The following TANC1 variants were observed in gnomAD, a reference collection of about 807,000 sequenced individuals.
The protein encoded by TANC1 is protein TANC1.
In TANC1, 77 loss-of-function variants were observed where a neutral mutation model predicts 149.7. The ratio of observed to expected loss-of-function variants is 0.51; its 90% CI spans 0.43 to 0.62. The LOEUF is 0.62. Ranked by LOEUF, TANC1 falls within the 20% of genes least tolerant of loss-of-function variation. The probability of loss-of-function intolerance (pLI) is 0.00; values close to 1 mark genes in which losing one functional copy is unlikely to be tolerated. For synonymous variants in TANC1, 854 were observed against 925.0 expected (o/e 0.92, Z 1.39); for missense variants, 1,985 against 2,321.8 (o/e 0.85, Z 2.98).
At chr2:159,115,171 G>GGTGTGTGTGTGT (rs68140748) in intron 4 of TANC1, among the ~76,000 whole-genome samples, 10 of 149,602 alleles carry the variant, frequency 6.7e-5, no homozygotes, top group Non-Finnish European at 1.5e-4. Flanking sequence ...AGCTGGTAAG[G>GGTGTGTGTGTGT]GTGTGTGTGT....
rs201847551 is a variant in TANC1, at chr2:159,227,952, G to A, written c.4037G>A (p.Arg1346Gln). The A allele has an allele frequency of 5.6e-6, 9 of 1,612,490 alleles. No homozygotes were observed. The highest frequency in any genetic ancestry group is 4.0e-5 in the African/African-American group (3 of 74,918). ...CTCTATCTCAATTTGTCGCGATGCC[G>A]AAGAAAAACAAATGTAAGCTGTGCC... Reference protein sequence around the residue: ...VSLYLNLSRCRRKTNDFGMAE... With the variant: ...VSLYLNLSRCQRKTNDFGMAE... Residue 1346 changes from arginine (R) to glutamine (Q), a missense_variant, in exon 25 of 27, where the codon CGA becomes CAA. Coordinates refer to ENST00000263635, the MANE Select transcript of TANC1 (RefSeq NM_033394.3).
In TANC1 at chr2:159,230,332, G is replaced by A. The variant is rs201489299; in HGVS notation, c.4906G>A (p.Val1636Met). 53 of 1,614,036 alleles carry A rather than the reference G, an allele frequency of 3.3e-5. No individual in the cohort carries two copies. The East Asian group carries it at 6.9e-4, about 21-fold the overall frequency. Reference sequence around the variant, plus strand: ...AGAGAGGCTTCTGTCTCATTCCTCCGTGGCTGTGGACGCAGCCCCTCCAAA... The same window carrying A: ...AGAGAGGCTTCTGTCTCATTCCTCCATGGCTGTGGACGCAGCCCCTCCAAA... ...TTERLLSHSS[V>M]AVDAAPPNQG... The change falls in exon 27 of 27, where the codon GTG becomes ATG. Residue 1636 changes from valine to methionine, a missense_variant. Physicochemically the swap from Val to Met is conservative, Grantham distance 21. Transcript: ENST00000263635. The surrounding 1 kb of genome is among the most constrained non-coding windows in gnomAD (Gnocchi z 4.4).
At chr2:159,045,469 G>A (rs1283602025) in intron 2 of TANC1, among the ~76,000 whole-genome samples, 3 of 151,832 alleles carry the variant, frequency 2.0e-5, no homozygotes, top group Non-Finnish European at 4.4e-5. Context: ...ATGATAAAGA[G>A]TTTAAAGGAT....
At chr2:159,048,315 AG>A (rs534268748) in intron 2 of TANC1, among the ~76,000 whole-genome samples, 3 of 152,182 alleles carry the variant, frequency 2.0e-5, no homozygotes, top group Non-Finnish European at 4.4e-5. Context: ...TCTTACAATT[AG>A]TGGTAAAGAC....
chr2:159,044,484 A>G (rs928249929), intron 2 of TANC1, among the ~76,000 whole-genome samples: 1 of 151,982 alleles, frequency 6.6e-6, no homozygotes, highest in Non-Finnish European at 1.5e-5. Context: ...CCTAATGTAT[A>G]TGATCTATGT....
rs544643540 is a variant in TANC1 at position 159,225,672 on chromosome 2, C to G, written c.3812-16C>G. The G allele has an allele frequency of 3.1e-6, 5 of 1,608,416 alleles. No individual in the cohort carries two copies. Among genetic ancestry groups the G allele is most frequent in the Middle Eastern group, 1.7e-4 (1 of 6,052 alleles). On this transcript the variant is annotated splice_polypyrimidine_tract_variant and intron_variant, in intron 23 of 26. Transcript: ENST00000263635. ...AGGGCCTCTGAAGTGCCTCTGAATG[C>G]GTGTTTGTTTTGCAGGAAATGCTGC...
At chr2:159,127,849 A>G (rs2049629109) in intron 4 of TANC1, among the ~76,000 whole-genome samples, 1 of 152,196 alleles carries the variant, frequency 6.6e-6, no homozygotes, top group African/African-American at 2.4e-5. Flanking sequence ...TTGCACATGT[A>G]TCCTGGAACT....
chr2:159,054,056 A>T (rs2041667811), intron 2 of TANC1, among the ~76,000 whole-genome samples: 1 of 151,996 alleles, frequency 6.6e-6, no homozygotes, highest in Non-Finnish European at 1.5e-5. Context: ...AGCCGTGTGT[A>T]TGTTTGGCCA....
At chr2:159,199,659 T>C (rs926408525) in intron 19 of TANC1, among the ~76,000 whole-genome samples, 2 of 152,268 alleles carry the variant, frequency 1.3e-5, no homozygotes, top group Non-Finnish European at 2.9e-5. Flanking sequence ...TTTCCAGTTT[T>C]CCACTTGACT....
Position 159,092,483 on chromosome 2 carries a change from A to G in TANC1, c.62-5154A>G, listed in dbSNP as rs73969433. On this transcript the variant is annotated intron_variant, in intron 3 of 26. Transcript: ENST00000263635. The stretch of plus-strand genomic sequence containing the variant: ...TTTCACAGCCTGTAATGGTAAAAAC[A>G]TTTTAAAATAAAGAACTGTTATCAA... 7.0e-3 allele frequency among the ~76,000 whole-genome samples: 1,065 copies of G among 152,332 alleles called. 8 individuals carry two copies. The highest frequency in any genetic ancestry group is 0.024 in the African/African-American group (992 of 41,570).
At position 159,101,978 on chromosome 2, in the gene TANC1, G is replaced by A. The variant is rs572906549; in HGVS notation, c.259+4144G>A. 3.3e-5 allele frequency among the ~76,000 whole-genome samples: 5 copies of A among 152,270 alleles called. No homozygotes were observed. In the East Asian group the frequency reaches 9.7e-4, roughly 29 times the overall value. On this transcript the variant is annotated intron_variant, in intron 4 of 26. Transcript: ENST00000263635. ...TCCAGTTCCAGTTCTGTCTCACAGT[G>A]GACATAGCTGATGTAGCAGTTTTGA...
chr2:159,121,530 C>T (rs1217387773), intron 4 of TANC1, among the ~76,000 whole-genome samples: 1 of 152,142 alleles, frequency 6.6e-6, no homozygotes, highest in African/African-American at 2.4e-5. Context: ...GACGGGGTTT[C>T]GCCATGTTGG....
At chr2:159,175,235 C>T (rs774561343) in intron 12 of TANC1, 51 bp downstream of exon 12, 1 of 1,475,972 alleles carries the variant, frequency 6.8e-7, no homozygotes, top group Non-Finnish European at 9.4e-7. Flanking sequence ...GTACAGCAGA[C>T]ACAGGTGGTC....
rs561551910 is a variant in TANC1 at position 159,189,099 on chromosome 2, C to T, written c.2742+2075C>T. 3.3e-5 allele frequency among the ~76,000 whole-genome samples: 5 copies of T among 152,352 alleles called. No individual in the cohort carries two copies. The South Asian group carries it at 6.2e-4, about 19-fold the overall frequency. On this transcript the variant is annotated intron_variant, in intron 16 of 26. Transcript: ENST00000263635. The stretch of plus-strand genomic sequence containing the variant: ...AGTGGAGACACAAAAGAGGCTGTCT[C>T]TCAAGTGATGAGAAACCTTACTGAG...
Position 159,139,350 on chromosome 2 carries a change from A to G in TANC1, c.364+3052A>G, listed in dbSNP as rs568188309. Among the ~76,000 whole-genome samples the G allele has an allele frequency of 2.0e-5, 3 of 152,368 alleles. No individual in the cohort carries two copies. In the South Asian group the frequency reaches 6.2e-4, roughly 32 times the overall value. ...ACGGATGACTTAATAAAATCATCAA[A>G]CAAAATACAAAGCCCATTTTCATGT... On this transcript the variant is annotated intron_variant, in intron 5 of 26. Transcript: ENST00000263635.
chr2:159,059,891 T>TGC (rs1342471647), intron 2 of TANC1, among the ~76,000 whole-genome samples: 8 of 93,936 alleles, frequency 8.5e-5, no homozygotes, highest in Non-Finnish European at 1.5e-4. Context: ...GACCTCTTTG[T>TGC]GTGTGTGTGT....
chr2:158,999,265 A>G (rs1031596447), intron 1 of TANC1, among the ~76,000 whole-genome samples: 7 of 152,102 alleles, frequency 4.6e-5, no homozygotes, highest in Admixed American at 4.6e-4. Flanking sequence ...CTTCAAAATG[A>G]CTTCCTATAA....
chr2:159,021,988 A>T (rs1476073396), intron 2 of TANC1, among the ~76,000 whole-genome samples: 4 of 152,252 alleles, frequency 2.6e-5, no homozygotes, highest in Non-Finnish European at 5.9e-5. Context: ...AAAAATTTTC[A>T]AGATAAATTA....
intron 4 of TANC1, among the ~76,000 whole-genome samples, chr2:159,131,343 G>A (rs2050068695): frequency 2.0e-5 from 3 of 152,162 alleles, no homozygotes; most frequent in South Asian, 2.1e-4. Flanking sequence ...GGATGAGGGA[G>A]GGGAAGGGAT....
Sources: gnomAD v4.1 joint callset for allele counts (sites outside exome capture counted in the v4.1 genomes callset) on GRCh38, gnomAD v4.1.1 for gene constraint, Gnocchi (gnomAD v3.1) non-coding constraint, MANE v1.5 for transcripts, NCBI Gene and HGNC (gene_info 2026-07-23, HGNC 2026-07-21) for gene names.